Variants in ANO3 observed in about 807,000 individuals in gnomAD.
ANO3 encodes the protein anoctamin-3.
In ANO3, 99 loss-of-function variants were observed where a neutral mutation model predicts 144.8. That is an observed-to-expected ratio of 0.68 (90% CI 0.58 to 0.81). ANO3 has a LOEUF of 0.81. ANO3 is among the 30% of genes least tolerant of loss of function. ANO3 has a pLI of 0.00. For missense variants in ANO3, 905 were observed against 1,202.2 expected (o/e 0.75, Z 3.66); for synonymous variants, 414 against 392.6 (o/e 1.05, Z -0.64).
chr11:26,615,691 C>T (rs923879194), intron 17 of ANO3, among the ~76,000 whole-genome samples: 5 of 152,010 alleles, frequency 3.3e-5, no homozygotes, highest in South Asian at 2.1e-4. Context: ...TTTCATTTCC[C>T]TTTTTAAGAC....
intron 1 of ANO3, among the ~76,000 whole-genome samples, chr11:26,319,870 A>G (rs1854717761): frequency 6.6e-6 from 1 of 151,690 alleles, no homozygotes; most frequent in African/African-American, 2.4e-5. Flanking sequence ...TCAATGTACA[A>G]TCAAGGCAGC....
At chr11:26,528,098 A>G (rs1849211251) in intron 7 of ANO3, among the ~76,000 whole-genome samples, 1 of 152,204 alleles carries the variant, frequency 6.6e-6, no homozygotes, top group Admixed American at 6.6e-5. Context: ...AACACAATAA[A>G]GGTTTAGTAG....
chr11:26,290,465 T>C (rs1853930649), intron 1 of ANO3, among the ~76,000 whole-genome samples: 1 of 152,178 alleles, frequency 6.6e-6, no homozygotes, highest in African/African-American at 2.4e-5. Context: ...TTGAATGTGT[T>C]TGCTCTTGCT....
chr11:26,377,607 AAG>A (rs1173378058), intron 1 of ANO3, among the ~76,000 whole-genome samples: 2 of 152,254 alleles, frequency 1.3e-5, no homozygotes, highest in East Asian at 3.9e-4. Context: ...AATCTGGAAA[AAG>A]AAAAATGGAG....
At chr11:26,541,269 G>A (rs1462605793) in intron 10 of ANO3, among the ~76,000 whole-genome samples, 1 of 152,046 alleles carries the variant, frequency 6.6e-6, no homozygotes, top group South Asian at 2.1e-4. Context: ...CACAGGGAGG[G>A]GAACATCACA....
chr11:26,233,251 GA>G (rs527505892), intron 1 of ANO3, among the ~76,000 whole-genome samples: 1 of 150,744 alleles, frequency 6.6e-6, no homozygotes, highest in East Asian at 1.9e-4. Flanking sequence ...AAATTTACTA[GA>G]AAAAAACAGC....
chr11:26,300,880 G>A (rs1854215195), intron 1 of ANO3, among the ~76,000 whole-genome samples: 1 of 137,972 alleles, frequency 7.2e-6, no homozygotes, highest in Admixed American at 7.6e-5. Context: ...TTGAGGTGGA[G>A]TCTCACTCTG....
intron 1 of ANO3, among the ~76,000 whole-genome samples, chr11:26,233,403 T>C (rs1238373627): frequency 2.0e-5 from 3 of 152,140 alleles, no homozygotes; most frequent in African/African-American, 7.2e-5. Flanking sequence ...TACCATCTCA[T>C]ACCACTTAGG....
chr11:26,263,713 T>G (rs1173256174), intron 1 of ANO3, among the ~76,000 whole-genome samples: 1 of 152,226 alleles, frequency 6.6e-6, no homozygotes, highest in Non-Finnish European at 1.5e-5. Flanking sequence ...AAAATTACAG[T>G]GAAAAGCCCA....
At chr11:26,573,399 CAGTT>C (rs372439274) in intron 14 of ANO3, among the ~76,000 whole-genome samples, 38 of 152,228 alleles carry the variant, frequency 2.5e-4, no homozygotes, top group African/African-American at 8.4e-4. Context: ...TTTAATCAAA[CAGTT>C]AGTTACTGAA....
chr11:26,269,020 G>A (rs1391076392), intron 1 of ANO3, among the ~76,000 whole-genome samples: 3 of 152,124 alleles, frequency 2.0e-5, no homozygotes, highest in African/African-American at 7.2e-5. Context: ...AGTTATTGAG[G>A]AATCTGGTTT....
chr11:26,504,563 C>A (rs1861337601), intron 4 of ANO3, among the ~76,000 whole-genome samples: 1 of 110,870 alleles, frequency 9.0e-6, no homozygotes, highest in African/African-American at 2.9e-5. Flanking sequence ...TAGAAGGTAG[C>A]AGATGCTAAG....
At chr11:26,574,960 A>G (rs990478708) in intron 14 of ANO3, among the ~76,000 whole-genome samples, 8 of 152,120 alleles carry the variant, frequency 5.3e-5, no homozygotes, top group Non-Finnish European at 1.2e-4. Flanking sequence ...AAACCTGGTC[A>G]ATCAACTAAA....
intron 1 of ANO3, among the ~76,000 whole-genome samples, chr11:26,432,320 G>T (rs935455086): frequency 2.0e-5 from 3 of 152,170 alleles, no homozygotes; most frequent in Non-Finnish European, 4.4e-5. Flanking sequence ...ATCTCTGTCA[G>T]ATGTATAGTT....
In ANO3 at chr11:26,439,249, G is replaced by C. The variant is rs142778812; in HGVS notation, c.47-2669G>C. Among the ~76,000 whole-genome samples, 4 of 152,290 alleles carry C rather than the reference G, an allele frequency of 2.6e-5. No individual in the cohort carries two copies. In the East Asian group the frequency reaches 7.7e-4, roughly 29 times the overall value. ...AGAAAACATAGGAGTAAATCTTCAT[G>C]ACCTTGAATTAGATAATGGTTTCAT... On this transcript the variant is annotated intron_variant, in intron 1 of 26. Coordinates refer to ENST00000256737, the MANE Select transcript of ANO3 (RefSeq NM_031418.4).
At chr11:26,571,909 G>A (rs956202908) in intron 14 of ANO3, 2 of 197,192 alleles carry the variant, frequency 1.0e-5, no homozygotes, top group Non-Finnish European at 1.8e-5. Flanking sequence ...AAGGATTGCC[G>A]TAGCTACTTG....
chr11:26,529,945 T>C (rs987674859), intron 7 of ANO3, among the ~76,000 whole-genome samples: 3 of 152,200 alleles, frequency 2.0e-5, no homozygotes, highest in Admixed American at 6.5e-5. Flanking sequence ...CAGGTGTCTA[T>C]GCTAAACCCG....
intron 1 of ANO3, among the ~76,000 whole-genome samples, chr11:26,243,885 C>T (rs923673990): frequency 1.3e-5 from 2 of 151,640 alleles, no homozygotes; most frequent in Non-Finnish European, 2.9e-5. Flanking sequence ...TTTGGGAGGC[C>T]GAGGTGCGCA....
chr11:26,358,169 A>G (rs1305394671), intron 1 of ANO3, among the ~76,000 whole-genome samples: 1 of 92,472 alleles, frequency 1.1e-5, no homozygotes, highest in Non-Finnish European at 2.1e-5. Context: ...TACAATTTCA[A>G]CTTTTTTTTT....
Sources: gnomAD v4.1 joint callset for allele counts (sites outside exome capture counted in the v4.1 genomes callset) on GRCh38, gnomAD v4.1.1 for gene constraint, MANE v1.5 for transcripts, NCBI Gene and HGNC (gene_info 2026-07-23, HGNC 2026-07-21) for gene names.